The following MICALL1 variants were observed in gnomAD, a reference collection of about 807,000 sequenced individuals.
MICALL1 encodes the protein MICAL like 1.
MICALL1 carries 61 observed loss-of-function variants against 83.7 expected under a neutral mutation model. The ratio of observed to expected loss-of-function variants is 0.73; its 90% CI spans 0.59 to 0.90. MICALL1 has a LOEUF of 0.90. MICALL1 is among the 40% of genes least tolerant of loss of function. The pLI, the probability that MICALL1 is intolerant of heterozygous loss-of-function variation, is 0.00. For missense variants in MICALL1, 1,066 were observed against 1,152.0 expected, an observed-to-expected ratio of 0.93 and a Z score of 1.08; for synonymous variants, 481 against 473.6, an observed-to-expected ratio of 1.02 and a Z score of -0.20.
rs371341623 is a variant in MICALL1 at position 37,919,197 on chromosome 22, G to A, written c.569+19G>A. The stretch of plus-strand genomic sequence containing the variant: ...GCTTCCGGTGAGTGGCCAGGGCCGC[G>A]TGTTACCCCCGAAACCAGGGAGGGG... On this transcript the variant is annotated intron_variant, in intron 5 of 15. Transcript: ENST00000215957. The A allele has an allele frequency of 3.5e-5, 53 of 1,504,950 alleles. No individual in the cohort carries two copies. Among genetic ancestry groups the A allele is most frequent in the South Asian group, 3.5e-4 (28 of 79,664 alleles). The allele number at this position is 1,504,950 out of a possible 1,614,324, so 93.2% of individuals were successfully genotyped here. A position where few individuals can be genotyped will look rare whatever the true frequency, so the allele number is the denominator to read the frequency against.
chr22:37,922,413 CAGCCTGGTGAACGGTG>C lies in MICALL1; in HGVS notation c.1015_1024+6del. On this transcript the variant is annotated splice_donor_variant and splice_donor_region_variant and coding_sequence_variant and intron_variant, in exon 6 of 16. Coordinates refer to ENST00000215957, the MANE Select transcript of MICALL1 (RefSeq NM_033386.4). LOFTEE classifies it high-confidence loss of function. Reference sequence around the variant, plus strand: ...ACCTGGTGGAGCAGGCTGGCAGCAGCAGCCTGGTGAACGGTGAGCAGGGTGCAGTCAGGGCAGGGGG... The same window carrying C: ...ACCTGGTGGAGCAGGCTGGCAGCAGCAGCAGGGTGCAGTCAGGGCAGGGGG... The C allele has an allele frequency of 6.5e-7, 1 of 1,529,844 alleles. No individual in the cohort carries two copies. The allele number at this position is 1,529,844 out of a possible 1,614,324, so 94.8% of individuals were successfully genotyped here. A position where few individuals can be genotyped will look rare whatever the true frequency, so the allele number is the denominator to read the frequency against.
Position 37,918,475 on chromosome 22 carries a change from A to G in MICALL1, c.427-561A>G, listed in dbSNP as rs1928815799. 2.0e-5 allele frequency among the ~76,000 whole-genome samples: 3 copies of G among 152,174 alleles called. No individual in the cohort carries two copies. In the South Asian group the frequency reaches 6.2e-4, roughly 31 times the overall value. On this transcript the variant is annotated intron_variant, in intron 4 of 15. Transcript: ENST00000215957. ...CAGGGTGGGTGCTCCATGAGGGTAC[A>G]TGGGGCTGAGGCTGGCAGGGGTTAT...
rs376964771 is a variant in MICALL1 at position 37,933,143 on chromosome 22, C to T, written c.2308+31C>T. Reference sequence around the variant, plus strand: ...TGCAGCCACTGGCACTCCCCTGGCACCTGCCCTGGGGCCTGGTGACACGGA... The same window carrying T: ...TGCAGCCACTGGCACTCCCCTGGCATCTGCCCTGGGGCCTGGTGACACGGA... On this transcript the variant is annotated intron_variant, in intron 13 of 15. Coordinates refer to ENST00000215957, the MANE Select transcript of MICALL1 (RefSeq NM_033386.4). The T allele has an allele frequency of 2.5e-6, 4 of 1,606,292 alleles. No individual in the cohort carries two copies. The African/African-American group carries it at 4.0e-5, about 16-fold the overall frequency.
At position 37,940,905 on chromosome 22, in the gene MICALL1, C is replaced by A; in HGVS notation, c.*75C>A. 1 of 1,577,044 alleles carries A rather than the reference C, an allele frequency of 6.3e-7. No homozygotes were observed. Among genetic ancestry groups the A allele is most frequent in the South Asian group, 1.1e-5 (1 of 87,716 alleles). The stretch of plus-strand genomic sequence containing the variant: ...GCTGTGCTCTGTTTGAAGGGGGCGC[C>A]CTGCTCCCCTCAGATCAGTCAGGAG... On this transcript the variant is annotated 3_prime_UTR_variant, in exon 16 of 16. Transcript: ENST00000215957.
Position 37,931,947 on chromosome 22 carries a change from G to GC in MICALL1, c.2016+20dup, listed in dbSNP as rs767482868. ...ATCAAACGCAAGGTACCAGCTGGGA[G>GC]CCCCCCGAGACCAGGCTGGCCTGGG... On this transcript the variant is annotated intron_variant, in intron 10 of 15. Transcript: ENST00000215957. The GC allele has an allele frequency of 4.3e-6, 7 of 1,612,814 alleles. No homozygotes were observed. In the East Asian group the frequency reaches 6.7e-5, roughly 15 times the overall value.
rs1483462053 is a variant in MICALL1, at chr22:37,937,171, C to T, written c.2400C>T (p.Asn800=). The change falls in exon 14 of 16, where the codon AAC becomes AAT. Residue 800 remains asparagine (N), a synonymous_variant. Coordinates refer to ENST00000215957, the MANE Select transcript of MICALL1 (RefSeq NM_033386.4). ...TLIEQRNAII[N]CLDEDRQREE... is the part of the protein sequence containing the mutation. ...TTGAGCAGCGCAACGCTATCATCAA[C>T]TGCCTGGATGAGGACCGGCAGAGGT... The T allele has an allele frequency of 5.8e-6, 9 of 1,548,032 alleles. No homozygotes were observed. In the East Asian group the frequency reaches 2.0e-4, roughly 34 times the overall value.
chr22:37,934,499 A>G (rs891958999), intron 13 of MICALL1, among the ~76,000 whole-genome samples: 5 of 150,792 alleles, frequency 3.3e-5, no homozygotes, highest in East Asian at 2.0e-4. Context: ...CTGCTCCTCA[A>G]TTTTGGCAAG....
At chr22:37,919,203 C>T (rs1490331395) in intron 5 of MICALL1, 25 bp downstream of exon 5, 1 of 1,493,678 alleles carries the variant, frequency 6.7e-7, no homozygotes, top group Non-Finnish European at 9.0e-7. Context: ...CCGCGTGTTA[C>T]CCCCGAAACC....
intron 3 of MICALL1, 144 bp downstream of exon 3, chr22:37,912,636 G>T (rs1928406452): frequency 1.4e-6 from 1 of 696,586 alleles, no homozygotes; most frequent in Non-Finnish European, 2.1e-6. Context: ...TTCACTCATT[G>T]AAATATTTCT....
At position 37,922,317 on chromosome 22, in the gene MICALL1, C is replaced by G. The variant is rs1203950704; in HGVS notation, c.915C>G (p.Pro305=). ...SPPAGRPTPA[P]RKASESTTPA... ...CTGCGGGCCGCCCCACCCCTGCCCC[C>G]AGGAAGGCCTCTGAGAGCACCACCC... The change falls in exon 6 of 16, where the codon CCC becomes CCG. Residue 305 remains proline (P), a synonymous_variant. Coordinates refer to ENST00000215957, the MANE Select transcript of MICALL1 (RefSeq NM_033386.4). 1 of 1,535,204 alleles carries G rather than the reference C, an allele frequency of 6.5e-7. No homozygotes were observed. Among genetic ancestry groups the G allele is most frequent in the East Asian group, 2.4e-5 (1 of 41,042 alleles).
chr22:37,907,944 G>A (rs537910967), intron 1 of MICALL1, among the ~76,000 whole-genome samples: 2 of 152,314 alleles, frequency 1.3e-5, no homozygotes, highest in South Asian at 4.1e-4. Context: ...TTAGACCTGG[G>A]CATTGGAAGG....
At chr22:37,908,864 C>T (rs1172211567) in intron 1 of MICALL1, among the ~76,000 whole-genome samples, 8 of 152,058 alleles carry the variant, frequency 5.3e-5, no homozygotes, top group Admixed American at 4.6e-4. Flanking sequence ...GCTGGGTGGA[C>T]GTTCTGGCAT....
intron 3 of MICALL1, among the ~76,000 whole-genome samples, chr22:37,915,356 A>C (rs922422760): frequency 6.6e-6 from 1 of 152,216 alleles, no homozygotes; most frequent in African/African-American, 2.4e-5. Flanking sequence ...GGATTAAAAT[A>C]ATTGAACAAA....
chr22:37,937,170 A>G lies in MICALL1; in HGVS notation c.2399A>G (p.Asn800Ser), dbSNP rs202183439. The G allele has an allele frequency of 3.2e-6, 5 of 1,546,428 alleles. No homozygotes were observed. In the East Asian group the frequency reaches 7.4e-5, roughly 23 times the overall value. The change falls in exon 14 of 16, where the codon AAC becomes AGC. Residue 800 changes from asparagine (N) to serine (S), a missense_variant. By Grantham distance (46) the Asn-to-Ser change is conservative. Coordinates refer to ENST00000215957, the MANE Select transcript of MICALL1 (RefSeq NM_033386.4). ...TLIEQRNAII[N>S]CLDEDRQREE... ...ATTGAGCAGCGCAACGCTATCATCA[A>G]CTGCCTGGATGAGGACCGGCAGAGG...
chr22:37,937,861 C>A lies in MICALL1; in HGVS notation c.2470+69C>A, dbSNP rs372506440. The A allele has an allele frequency of 1.9e-6, 3 of 1,597,324 alleles. No homozygotes were observed. The South Asian group carries it at 3.3e-5, about 18-fold the overall frequency. ...CGGCATTGGGGTTGGAAGGGAGGGACTGGTTGAAGGGAGGGTTGGAGTGGG... is the reference window on the plus strand; with the variant it reads ...CGGCATTGGGGTTGGAAGGGAGGGAATGGTTGAAGGGAGGGTTGGAGTGGG... On this transcript the variant is annotated intron_variant, in intron 15 of 15. Coordinates refer to ENST00000215957, the MANE Select transcript of MICALL1 (RefSeq NM_033386.4).
intron 13 of MICALL1, among the ~76,000 whole-genome samples, chr22:37,934,587 A>G (rs949037618): frequency 2.7e-5 from 4 of 148,672 alleles, no homozygotes; most frequent in African/African-American, 9.9e-5. Flanking sequence ...GGGGGTATTT[A>G]TTTATTTATT....
At chr22:37,934,818 G>A (rs1275129418) in intron 13 of MICALL1, among the ~76,000 whole-genome samples, 4 of 150,904 alleles carry the variant, frequency 2.7e-5, no homozygotes, top group Admixed American at 6.6e-5. Flanking sequence ...GGATGGTCTC[G>A]ATCTCCTGAC....
In MICALL1 at chr22:37,906,755, C is replaced by G. The variant is rs1241067020; in HGVS notation, c.146+187C>G. On this transcript the variant is annotated intron_variant, in intron 1 of 15. Coordinates refer to ENST00000215957, the MANE Select transcript of MICALL1 (RefSeq NM_033386.4). The surrounding 1 kb of genome is among the most constrained non-coding windows in gnomAD (Gnocchi z 4.4). Reference sequence around the variant, plus strand: ...ACCCCGGCCCAGGGCGCCCCTCCCCCGCCCGGCCGCCCTGACCCCGCCCGT... The same window carrying G: ...ACCCCGGCCCAGGGCGCCCCTCCCCGGCCCGGCCGCCCTGACCCCGCCCGT... 2.7e-5 allele frequency: 8 copies of G among 298,792 alleles called. No homozygotes were observed. Among genetic ancestry groups the G allele is most frequent in the Non-Finnish European group, 4.4e-5 (8 of 183,886 alleles). 18.5% of individuals were successfully genotyped at this position (298,792 alleles called of 1,614,324 possible).
chr22:37,934,007 A>G (rs541883051), intron 13 of MICALL1, among the ~76,000 whole-genome samples: 50 of 152,330 alleles, frequency 3.3e-4, no homozygotes, highest in Non-Finnish European at 5.9e-4. Context: ...AGAATGTCCC[A>G]GGCTTCCACT....
Sources: gnomAD v4.1 joint callset for allele counts (sites outside exome capture counted in the v4.1 genomes callset) on GRCh38, gnomAD v4.1.1 for gene constraint, Gnocchi (gnomAD v3.1) non-coding constraint, MANE v1.5 for transcripts, NCBI Gene and HGNC (gene_info 2026-07-23, HGNC 2026-07-21) for gene names.